Variants in CARMIL1 observed in about 807,000 individuals in gnomAD.
CARMIL1 encodes the protein capping protein regulator and myosin 1 linker 1.
In CARMIL1, 90 loss-of-function variants were observed where a neutral mutation model predicts 177.1. That is an observed-to-expected ratio of 0.51 (90% CI 0.43 to 0.61). CARMIL1 has a LOEUF of 0.61. CARMIL1 is among the 20% of genes least tolerant of loss of function. The probability of loss-of-function intolerance (pLI) is 0.00; values close to 1 mark genes in which losing one functional copy is unlikely to be tolerated. For missense variants in CARMIL1, 1,380 were observed against 1,667.0 expected (o/e 0.83, Z 3.00); for synonymous variants, 577 against 606.2 (o/e 0.95, Z 0.71).
At chr6:25,526,419 AAAAT>A (rs1365305687) in intron 23 of CARMIL1, among the ~76,000 whole-genome samples, 1 of 151,248 alleles carries the variant, frequency 6.6e-6, no homozygotes, top group Non-Finnish European at 1.5e-5. Context: ...TGTTAATAAA[AAAAT>A]AGGTGACTTT....
At chr6:25,450,302 G>T in intron 6 of CARMIL1, 37 bp from the exon 7 acceptor site, 3 of 1,443,314 alleles carry the variant, frequency 2.1e-6, no homozygotes, top group Non-Finnish European at 2.9e-6. Context: ...ACATCATTTT[G>T]CCAAAGACCT....
At chr6:25,481,468 A>G (rs1046551627) in intron 11 of CARMIL1, among the ~76,000 whole-genome samples, 7 of 152,260 alleles carry the variant, frequency 4.6e-5, no homozygotes, top group Admixed American at 2.6e-4. Flanking sequence ...CTAAGGGAAC[A>G]GGAATTAACA....
At chr6:25,451,988 C>CCCA in intron 8 of CARMIL1, 1 of 68,728 alleles carries the variant, frequency 1.5e-5, no homozygotes, top group South Asian at 1.5e-4. Context: ...AGCATCTTGC[C>CCCA]CCCCCCTCCC....
Position 25,610,196 on chromosome 6 carries a change from G to A in CARMIL1, c.3979+15G>A. On this transcript the variant is annotated intron_variant, in intron 36 of 36. Transcript: ENST00000329474. ...TTCACAGGAAGGTAAGGATTGTAAG[G>A]ATTTCTTTTCTCTGGGTTAGCTCTC... is the stretch of plus-strand genomic sequence containing the variant. 6.2e-7 allele frequency: 1 copy of A among 1,605,978 alleles called. No homozygotes were observed.
At chr6:25,521,423 G>A (rs891059239) in intron 23 of CARMIL1, among the ~76,000 whole-genome samples, 1 of 152,202 alleles carries the variant, frequency 6.6e-6, no homozygotes, top group African/African-American at 2.4e-5. Context: ...GACAGTTTGT[G>A]AGCAGCCTCT....
At chr6:25,365,983 G>T (rs1256704342) in intron 2 of CARMIL1, among the ~76,000 whole-genome samples, 2 of 152,048 alleles carry the variant, frequency 1.3e-5, no homozygotes, top group African/African-American at 2.4e-5. Context: ...TCTTCTTTCA[G>T]TGTCCATTTA....
At chr6:25,293,650 G>T (rs116545001) in intron 2 of CARMIL1, among the ~76,000 whole-genome samples, 4,126 of 151,916 alleles carry the variant, frequency 0.027, 69 homozygotes, top group Non-Finnish European at 0.038. Flanking sequence ...AAGTAGTGGG[G>T]TTACATATGC....
At chr6:25,360,564 CA>C (rs1789088707) in intron 2 of CARMIL1, among the ~76,000 whole-genome samples, 1 of 152,036 alleles carries the variant, frequency 6.6e-6, no homozygotes, top group Non-Finnish European at 1.5e-5. Flanking sequence ...TTTTTTTTGG[CA>C]ATTATTTTTT....
intron 2 of CARMIL1, among the ~76,000 whole-genome samples, chr6:25,293,778 G>A (rs1396823245): frequency 6.6e-6 from 1 of 151,590 alleles, no homozygotes; most frequent in African/African-American, 2.4e-5. Context: ...CTGATGTGCA[G>A]TGGCATGATC....
chr6:25,426,660 A>G (rs1415168765), intron 4 of CARMIL1, 100 bp downstream of exon 4: 1 of 1,101,632 alleles, frequency 9.1e-7, no homozygotes, highest in African/African-American at 1.6e-5. Context: ...AAGGTTAGGG[A>G]AGATGAAATT....
chr6:25,401,166 T>G (rs1388815496), intron 2 of CARMIL1, among the ~76,000 whole-genome samples: 3 of 152,192 alleles, frequency 2.0e-5, no homozygotes, highest in Non-Finnish European at 4.4e-5. Flanking sequence ...ACGGTTCACA[T>G]TTGTTTCACC....
At chr6:25,421,404 G>T (rs1039304682) in intron 3 of CARMIL1, among the ~76,000 whole-genome samples, 8 of 152,116 alleles carry the variant, frequency 5.3e-5, no homozygotes, top group Non-Finnish European at 1.0e-4. Context: ...GGAGAAATAG[G>T]AGCACTTTTA....
At chr6:25,491,058 A>G (rs1447603318) in intron 13 of CARMIL1, among the ~76,000 whole-genome samples, 1 of 152,314 alleles carries the variant, frequency 6.6e-6, no homozygotes. Context: ...TTCCAGAACA[A>G]CATTGCTGTT....
chr6:25,455,513 T>G (rs1799428601), intron 8 of CARMIL1, among the ~76,000 whole-genome samples: 1 of 152,202 alleles, frequency 6.6e-6, no homozygotes, highest in Admixed American at 6.5e-5. Flanking sequence ...TGATCTGCTC[T>G]GGTGGAGCAA....
chr6:25,397,069 G>A (rs1434135104), intron 2 of CARMIL1, among the ~76,000 whole-genome samples: 2 of 152,120 alleles, frequency 1.3e-5, no homozygotes, highest in African/African-American at 2.4e-5. Context: ...TATTGAGGGG[G>A]GATACCAAGA....
chr6:25,328,792 C>T (rs997070485), intron 2 of CARMIL1, among the ~76,000 whole-genome samples: 1 of 151,790 alleles, frequency 6.6e-6, no homozygotes. Flanking sequence ...ATATATATAA[C>T]TATTATGTAG....
intron 2 of CARMIL1, among the ~76,000 whole-genome samples, chr6:25,356,347 G>A (rs530387059): frequency 6.6e-4 from 100 of 152,270 alleles, no homozygotes; most frequent in African/African-American, 2.3e-3. Context: ...GTGAGCCACC[G>A]CGCCCGGTCC....
At chr6:25,378,147 C>T (rs1452360376) in intron 2 of CARMIL1, among the ~76,000 whole-genome samples, 1 of 152,140 alleles carries the variant, frequency 6.6e-6, no homozygotes, top group African/African-American at 2.4e-5. Context: ...TTCTGCTGCA[C>T]CAAAGAGTCT....
chr6:25,474,604 G>C (rs1338318014), intron 11 of CARMIL1, among the ~76,000 whole-genome samples: 1 of 152,194 alleles, frequency 6.6e-6, no homozygotes, highest in East Asian at 1.9e-4. Flanking sequence ...TAGAAAACTA[G>C]ATCACGCAAA....
Sources: allele counts gnomAD v4.1 joint callset (sites outside exome capture counted in the v4.1 genomes callset), GRCh38; gene constraint gnomAD v4.1.1; transcripts MANE v1.5; gene names NCBI Gene and HGNC (gene_info 2026-07-23, HGNC 2026-07-21).